Variants in FCRL5 observed in about 807,000 individuals in gnomAD.
FCRL5 encodes the protein Fc receptor like 5.
Under a neutral mutation model 92.1 loss-of-function variants are expected in FCRL5, and 79 were observed. The ratio of observed to expected loss-of-function variants is 0.86; its 90% CI spans 0.72 to 1.03. The LOEUF is 1.03. Among genes scored for constraint, FCRL5 ranks in the 50% least tolerant of loss-of-function variants. The probability of loss-of-function intolerance (pLI) is 0.00; values close to 1 mark genes in which losing one functional copy is unlikely to be tolerated. For synonymous variants in FCRL5, 466 were observed against 469.3 expected (o/e 0.99, Z 0.09); for missense variants, 1,160 against 1,181.1 (o/e 0.98, Z 0.26).
chr1:157,546,135 G>T, intron 3 of FCRL5: 1 of 288,200 alleles, frequency 3.5e-6, no homozygotes, highest in Non-Finnish European at 6.9e-6. Flanking sequence ...ATTATTCCAA[G>T]TAAATAATGT....
chr1:157,537,626 A>C (rs11264756), intron 7 of FCRL5, among the ~76,000 whole-genome samples: 13,282 of 151,984 alleles, frequency 0.087, 1,557 homozygotes, highest in African/African-American at 0.27. Flanking sequence ...CACTCCCTCC[A>C]CTTTTGAAAA....
intron 1 of FCRL5, among the ~76,000 whole-genome samples, chr1:157,551,274 G>A (rs2101656183): frequency 6.6e-6 from 1 of 152,288 alleles, no homozygotes; most frequent in East Asian, 1.9e-4. Context: ...GCCCTCTCAT[G>A]CTCAGGACCT....
At chr1:157,538,029 C>T (rs1651055567) in intron 7 of FCRL5, among the ~76,000 whole-genome samples, 1 of 152,174 alleles carries the variant, frequency 6.6e-6, no homozygotes, top group South Asian at 2.1e-4. Context: ...TTAGATGTCA[C>T]TACATCTAGG....
chr1:157,519,641 C>T (rs1039690643), intron 13 of FCRL5, 102 bp downstream of exon 13: 15 of 1,318,098 alleles, frequency 1.1e-5, no homozygotes, highest in African/African-American at 1.5e-5. Flanking sequence ...AGCTCAGCAG[C>T]ACCTGGCAGA....
At chr1:157,551,449 A>G (rs1651806942) in intron 1 of FCRL5, among the ~76,000 whole-genome samples, 1 of 152,196 alleles carries the variant, frequency 6.6e-6, no homozygotes, top group African/African-American at 2.4e-5. Flanking sequence ...AGTCTTTACT[A>G]GCTATTTTGA....
rs879549244 is a variant in FCRL5 at position 157,521,940 on chromosome 1, T to C, written c.2240-648A>G. ...TATATTTCTACAAGAATTTCTATTG[T>C]AGCATTTTTACAAGAGCTAAAAATT... is the stretch of plus-strand genomic sequence containing the variant. On this transcript the variant is annotated intron_variant, in intron 10 of 16. Transcript: ENST00000361835. The C allele has an allele frequency of 1.2e-4, 19 of 152,338 alleles. 1 individual carries two copies. Among genetic ancestry groups the C allele is most frequent in the Admixed American group, 8.5e-4 (13 of 15,310 alleles). 9.4% of individuals were successfully genotyped at this position (152,338 alleles called of 1,614,324 possible).
Position 157,534,325 on chromosome 1 carries a change from G to T in FCRL5, c.1681+289C>A, listed in dbSNP as rs571176467. ...TCAGTAGAGAAGTAGGACACGCTCC[G>T]TGCATCAAGAAAAATTGGCGTACTG... is the stretch of plus-strand genomic sequence containing the variant. On this transcript the variant is annotated intron_variant, in intron 8 of 16. Transcript: ENST00000361835. The T allele has an allele frequency of 7.1e-6, 5 of 706,914 alleles. No homozygotes were observed. The Admixed American group carries it at 1.0e-4, about 14-fold the overall frequency. 43.8% of individuals were successfully genotyped at this position (706,914 alleles called of 1,614,324 possible).
intron 9 of FCRL5, among the ~76,000 whole-genome samples, chr1:157,525,574 GA>G (rs1650391315): frequency 6.6e-6 from 1 of 152,186 alleles, no homozygotes; most frequent in Non-Finnish European, 1.5e-5. Flanking sequence ...AGACCATTTT[GA>G]CCTCTGTGCA....
intron 9 of FCRL5, among the ~76,000 whole-genome samples, chr1:157,525,346 C>T (rs964639393): frequency 1.1e-4 from 17 of 152,260 alleles, no homozygotes; most frequent in East Asian, 1.9e-4. Flanking sequence ...TATGTGCAAA[C>T]GCCCTGAGTT....
rs116190701 is a variant in FCRL5 at position 157,538,816 on chromosome 1, C to T, written c.1402+270G>A. On this transcript the variant is annotated intron_variant, in intron 7 of 16. Transcript: ENST00000361835. Reference sequence around the variant, plus strand: ...AGATCTACAGGACAAGTGGAGAGCACAAGAAAAGCAATTGGCTGCTCAGAA... The same window carrying T: ...AGATCTACAGGACAAGTGGAGAGCATAAGAAAAGCAATTGGCTGCTCAGAA... Among the ~76,000 whole-genome samples the T allele has an allele frequency of 2.0e-3, 301 of 152,150 alleles. 1 individual carries two copies. Among genetic ancestry groups the T allele is most frequent in the African/African-American group, 7.1e-3 (293 of 41,504 alleles).
rs1407167326 is a variant in FCRL5, at chr1:157,514,773, T to G, written c.*902A>C. On this transcript the variant is annotated 3_prime_UTR_variant, in exon 17 of 17. Coordinates refer to ENST00000361835, the MANE Select transcript of FCRL5 (RefSeq NM_031281.3). ...TGCTGAACAGTTTCCTCATCCAAGC[T>G]CCTTCTCTTCCATTGTTTCTTAGGG... The G allele has an allele frequency of 6.6e-6, 1 of 152,204 alleles. No homozygotes were observed. Among genetic ancestry groups the G allele is most frequent in the African/African-American group, 2.4e-5 (1 of 41,438 alleles). The allele number at this position is 152,204 out of a possible 1,614,324, so 9.4% of individuals were successfully genotyped here. A position where few individuals can be genotyped will look rare whatever the true frequency, so the allele number is the denominator to read the frequency against.
intron 10 of FCRL5, 109 bp from the exon 11 acceptor site, chr1:157,521,401 G>C: frequency 1.5e-6 from 2 of 1,299,674 alleles, no homozygotes; most frequent in Non-Finnish European, 2.1e-6. Flanking sequence ...TTGGAAAGTA[G>C]ATTAAAACAT....
chr1:157,534,324 C>T (rs779674484), intron 8 of FCRL5: 19 of 706,392 alleles, frequency 2.7e-5, no homozygotes, highest in Admixed American at 1.0e-4. Context: ...GGACACGCTC[C>T]GTGCATCAAG....
At chr1:157,538,968 T>G in intron 7 of FCRL5, 118 bp downstream of exon 7, 4 of 1,122,224 alleles carry the variant, frequency 3.6e-6, no homozygotes, top group Non-Finnish European at 3.8e-6. Flanking sequence ...GAGGAGGATA[T>G]TAGGTTGTTT....
intron 6 of FCRL5, 138 bp from the exon 7 acceptor site, chr1:157,539,502 G>A (rs1651147452): frequency 1.2e-5 from 9 of 739,430 alleles, no homozygotes; most frequent in African/African-American, 1.8e-5. Flanking sequence ...AGGCAAACCT[G>A]CTTTTTATTT....
intron 9 of FCRL5, among the ~76,000 whole-genome samples, chr1:157,524,822 TA>T (rs1319585612): frequency 2.6e-5 from 4 of 152,002 alleles, no homozygotes; most frequent in African/African-American, 9.7e-5. Flanking sequence ...GTCTTAGAGG[TA>T]AAAAGACAGT....
intron 7 of FCRL5, among the ~76,000 whole-genome samples, chr1:157,538,185 T>C (rs1276448369): frequency 6.6e-6 from 1 of 152,204 alleles, no homozygotes; most frequent in Non-Finnish European, 1.5e-5. Flanking sequence ...TTTTTCTACA[T>C]CATTTGATGA....
Position 157,539,129 on chromosome 1 carries a change from G to A in FCRL5, c.1359C>T (p.Gly453=), listed in dbSNP as rs775296265. ...CCGCCTTACTGCGCTGGGGGCCAAA[G>A]CCATTGTCAGCTGTGCAGTAGTAGT... is the stretch of plus-strand genomic sequence containing the variant. The part of the protein sequence containing the change: ...SGNYYCTADN[G]FGPQRSKAVS... The change falls in exon 7 of 17, where the codon GGC becomes GGT. Residue 453 remains glycine (G), a synonymous_variant. Coordinates refer to ENST00000361835, the MANE Select transcript of FCRL5 (RefSeq NM_031281.3). 68 of 1,614,086 alleles carry A rather than the reference G, an allele frequency of 4.2e-5. No homozygotes were observed. Among genetic ancestry groups the A allele is most frequent in the African/African-American group, 6.7e-5 (5 of 74,948 alleles).
chr1:157,541,307 C>A (rs557635565), intron 6 of FCRL5, among the ~76,000 whole-genome samples: 27 of 152,324 alleles, frequency 1.8e-4, no homozygotes, highest in African/African-American at 6.5e-4. Flanking sequence ...GGCTGCCCCC[C>A]AAACTGGCTG....
Sources: allele counts gnomAD v4.1 joint callset (sites outside exome capture counted in the v4.1 genomes callset), GRCh38; gene constraint gnomAD v4.1.1; transcripts MANE v1.5; gene names NCBI Gene and HGNC (gene_info 2026-07-23, HGNC 2026-07-21).